SUGCT: variants seen among roughly 807,000 people sequenced by gnomAD.
SUGCT encodes succinyl-CoA:glutarate-CoA transferase, also known as succinyl-CoA:glutarate CoA-transferase.
A neutral mutation model predicts 55.0 loss-of-function variants in SUGCT; 41 were observed. The observed-to-expected ratio is 0.74, with a 90% CI of 0.58 to 0.97. SUGCT has a LOEUF of 0.97. SUGCT is among the 50% of genes least tolerant of loss of function. The pLI, the probability that SUGCT is intolerant of heterozygous loss-of-function variation, is 0.00. For missense variants in SUGCT, 568 were observed against 547.8 expected, an observed-to-expected ratio of 1.04 and a Z score of -0.37; for synonymous variants, 187 against 200.4, an observed-to-expected ratio of 0.93 and a Z score of 0.56.
the SUGCT span, among the ~76,000 whole-genome samples, chr7:40,926,465 T>G: frequency 1.3e-5 from 2 of 152,000 alleles, no homozygotes; most frequent in Admixed American, 1.3e-4. Flanking sequence ...AGATAAAAAC[T>G]TAGAATAAAG....
chr7:40,373,454 G>T (rs1460992431), intron 9 of SUGCT, among the ~76,000 whole-genome samples: 1 of 137,860 alleles, frequency 7.3e-6, no homozygotes, highest in African/African-American at 2.7e-5. Context: ...TTAAGATTTA[G>T]AAAAATGAAT....
At chr7:40,259,113 C>A (rs1791042785) in intron 7 of SUGCT, among the ~76,000 whole-genome samples, 1 of 152,114 alleles carries the variant, frequency 6.6e-6, no homozygotes, top group African/African-American at 2.4e-5. Flanking sequence ...CCGAAAATGT[C>A]TAACTCATAG....
intron 11 of SUGCT, among the ~76,000 whole-genome samples, chr7:40,493,811 C>A (rs935800890): frequency 1.3e-5 from 2 of 151,946 alleles, no homozygotes; most frequent in Admixed American, 1.3e-4. Flanking sequence ...GTGCTTACAG[C>A]TTTTTGCATA....
intron 13 of SUGCT, among the ~76,000 whole-genome samples, chr7:40,804,118 G>A (rs1338337185): frequency 2.0e-5 from 3 of 152,056 alleles, no homozygotes; most frequent in South Asian, 2.1e-4. Context: ...ATTGATTATC[G>A]CCTTACAAAG....
At chr7:40,887,434 T>C in the SUGCT span, among the ~76,000 whole-genome samples, 15 of 152,202 alleles carry the variant, frequency 9.9e-5, no homozygotes, top group African/African-American at 3.6e-4. Context: ...GAGACAAGTA[T>C]AGATTCAAAA....
At chr7:41,011,198 G>A in the SUGCT span, among the ~76,000 whole-genome samples, 1 of 152,136 alleles carries the variant, frequency 6.6e-6, no homozygotes, top group African/African-American at 2.4e-5. Flanking sequence ...GAGGAAGGAA[G>A]TCCAGCCATC....
chr7:40,681,578 T>A (rs796859461), intron 12 of SUGCT, among the ~76,000 whole-genome samples: 6 of 152,182 alleles, frequency 3.9e-5, no homozygotes, highest in African/African-American at 1.2e-4. Context: ...CTGATGCTTC[T>A]TTCTCTCCTG....
chr7:40,939,593 G>A, the SUGCT span, among the ~76,000 whole-genome samples: 8 of 152,230 alleles, frequency 5.3e-5, no homozygotes, highest in East Asian at 9.7e-4. Flanking sequence ...GCTGAGGTAA[G>A]GTGGTATGTC....
chr7:40,434,127 G>T (rs564853626), intron 9 of SUGCT, among the ~76,000 whole-genome samples: 1 of 152,218 alleles, frequency 6.6e-6, no homozygotes, highest in South Asian at 2.1e-4. Flanking sequence ...TTATTCTGCT[G>T]TTAACTTACT....
At chr7:40,643,838 G>A (rs1459817711) in intron 12 of SUGCT, among the ~76,000 whole-genome samples, 1 of 152,164 alleles carries the variant, frequency 6.6e-6, no homozygotes, top group African/African-American at 2.4e-5. Flanking sequence ...GGAAAGGGGG[G>A]ACTTATCTGA....
intron 6 of SUGCT, among the ~76,000 whole-genome samples, chr7:40,221,133 T>C (rs1268556748): frequency 6.6e-6 from 1 of 152,084 alleles, no homozygotes; most frequent in Non-Finnish European, 1.5e-5. Flanking sequence ...AAATTATTAT[T>C]ATCAGAAATC....
intron 9 of SUGCT, among the ~76,000 whole-genome samples, chr7:40,396,554 C>T (rs1037014543): frequency 6.6e-6 from 1 of 152,118 alleles, no homozygotes; most frequent in Admixed American, 6.6e-5. Context: ...TACATTTTTG[C>T]CGATTTACTT....
At chr7:41,027,618 G>A in the SUGCT span, among the ~76,000 whole-genome samples, 8 of 152,290 alleles carry the variant, frequency 5.3e-5, no homozygotes, top group African/African-American at 1.7e-4. Flanking sequence ...GGTTATGAGA[G>A]CATCGAAGGT....
At chr7:40,724,691 A>T (rs747518617) in intron 12 of SUGCT, among the ~76,000 whole-genome samples, 23 of 150,094 alleles carry the variant, frequency 1.5e-4, no homozygotes, top group Non-Finnish European at 2.7e-4. Context: ...ATTATATGTA[A>T]GTTTTTATAC....
At chr7:40,609,344 A>C (rs1584118646) in intron 12 of SUGCT, among the ~76,000 whole-genome samples, 1 of 152,004 alleles carries the variant, frequency 6.6e-6, no homozygotes, top group African/African-American at 2.4e-5. Flanking sequence ...AGGCGGGCGG[A>C]TCACGAGGTC....
the SUGCT span, among the ~76,000 whole-genome samples, chr7:40,985,331 T>G: frequency 6.6e-6 from 1 of 152,154 alleles, no homozygotes; most frequent in African/African-American, 2.4e-5. Flanking sequence ...AGCGTTGAGC[T>G]TTCATTACAA....
intron 9 of SUGCT, among the ~76,000 whole-genome samples, chr7:40,410,981 G>T (rs982372837): frequency 1.2e-4 from 18 of 152,150 alleles, no homozygotes; most frequent in Non-Finnish European, 2.9e-5. Flanking sequence ...AAAAGGGTTA[G>T]ATTTAGTTAG....
intron 12 of SUGCT, among the ~76,000 whole-genome samples, chr7:40,522,505 A>G (rs531476857): frequency 1.9e-4 from 29 of 152,200 alleles, no homozygotes; most frequent in African/African-American, 7.0e-4. Flanking sequence ...TTACTAAATT[A>G]TTCTATCATA....
intron 12 of SUGCT, among the ~76,000 whole-genome samples, chr7:40,599,930 C>T (rs557810710): frequency 2.5e-4 from 38 of 152,152 alleles, no homozygotes; most frequent in African/African-American, 8.2e-4. Context: ...CGTAGGGTGC[C>T]GGGATACCTG....
Sources: gnomAD v4.1 joint callset for allele counts (sites outside exome capture counted in the v4.1 genomes callset) on GRCh38, gnomAD v4.1.1 for gene constraint, MANE v1.5 for transcripts, NCBI Gene and HGNC (gene_info 2026-07-23, HGNC 2026-07-21) for gene names.